The following FAM149A variants were observed in gnomAD, a reference collection of about 807,000 sequenced individuals.
The protein encoded by FAM149A is family with sequence similarity 149 member A.
In FAM149A, 71 loss-of-function variants were observed where a neutral mutation model predicts 78.2. The ratio of observed to expected loss-of-function variants is 0.91; its 90% CI spans 0.75 to 1.11. The LOEUF (loss-of-function observed/expected upper bound fraction) is 1.11. Ranked by LOEUF, FAM149A falls within the 50% of genes least tolerant of loss-of-function variation. The pLI, the probability that FAM149A is intolerant of heterozygous loss-of-function variation, is 0.00. For synonymous variants in FAM149A, 446 were observed against 410.5 expected (o/e 1.09, Z -1.04); for missense variants, 1,036 against 971.0 (o/e 1.07, Z -0.89).
At chr4:186,118,278 T>G in intron 1 of FAM149A, 2 of 970,956 alleles carry the variant, frequency 2.1e-6, no homozygotes, top group Non-Finnish European at 2.4e-6. Context: ...CTCCTTTCTC[T>G]GCTGGAACAG....
Position 186,166,338 on chromosome 4 carries a change from A to G in FAM149A, c.2011-630A>G, listed in dbSNP as rs1474295321. On this transcript the variant is annotated intron_variant, in intron 11 of 13. Coordinates refer to ENST00000389354, the MANE Select transcript of FAM149A (RefSeq NM_001367768.3). ...CAAGAGTTGCAAAGTGTTCATGTTT[A>G]ACCTTAGAATAACATCATTTTACAA... Among the ~76,000 whole-genome samples, 30 of 152,204 alleles carry G rather than the reference A, an allele frequency of 2.0e-4. 1 individual carries two copies. The highest frequency in any genetic ancestry group is 2.0e-3 in the Admixed American group (30 of 15,282).
chr4:186,111,415 C>G (rs1179037737), intron 1 of FAM149A, among the ~76,000 whole-genome samples: 2 of 151,912 alleles, frequency 1.3e-5, no homozygotes, highest in Non-Finnish European at 2.9e-5. Flanking sequence ...TCCCTTTTGT[C>G]AATTTTGTCT....
chr4:186,139,960 G>T (rs1010046073), intron 1 of FAM149A, among the ~76,000 whole-genome samples: 1 of 151,934 alleles, frequency 6.6e-6, no homozygotes, highest in Admixed American at 6.6e-5. Flanking sequence ...AAAATGAACT[G>T]GTTTAATACT....
At chr4:186,152,360 C>T (rs1004314612) in intron 4 of FAM149A, among the ~76,000 whole-genome samples, 1 of 152,128 alleles carries the variant, frequency 6.6e-6, no homozygotes, top group Non-Finnish European at 1.5e-5. Flanking sequence ...GTGAGCAGCA[C>T]ATGTCTGTCT....
intron 1 of FAM149A, among the ~76,000 whole-genome samples, chr4:186,128,485 C>A (rs1706150): frequency 0.35 from 52,990 of 150,496 alleles, 9,527 homozygotes; most frequent in Non-Finnish European, 0.39. Flanking sequence ...AAAAAAAAAA[C>A]CAAAAAGAGC....
At chr4:186,152,161 A>T (rs1733633456) in intron 4 of FAM149A, 116 bp downstream of exon 4, 2 of 945,220 alleles carry the variant, frequency 2.1e-6, no homozygotes, top group South Asian at 3.0e-5. Flanking sequence ...CAGAATATGG[A>T]TGCAGAGCGC....
chr4:186,142,265 T>C (rs1478762449), intron 1 of FAM149A, among the ~76,000 whole-genome samples: 1 of 152,072 alleles, frequency 6.6e-6, no homozygotes, highest in African/African-American at 2.4e-5. Flanking sequence ...TGTCTCACCA[T>C]TGTCGGTTGG....
At chr4:186,126,235 A>G (rs1397350690) in intron 1 of FAM149A, among the ~76,000 whole-genome samples, 1 of 152,086 alleles carries the variant, frequency 6.6e-6, no homozygotes, top group Non-Finnish European at 1.5e-5. Flanking sequence ...TGCCCTTTCC[A>G]ACTCACATCT....
intron 1 of FAM149A, chr4:186,118,120 A>G: frequency 1.0e-6 from 1 of 985,458 alleles, no homozygotes; most frequent in African/African-American, 1.7e-5. Context: ...GACTGGAAGT[A>G]TAAACAGGCA....
At chr4:186,140,500 G>A (rs2099325377) in intron 1 of FAM149A, among the ~76,000 whole-genome samples, 1 of 119,398 alleles carries the variant, frequency 8.4e-6, no homozygotes, top group African/African-American at 3.3e-5. Flanking sequence ...GCCCAGGCTT[G>A]TTCTGAACTC....
intron 7 of FAM149A, among the ~76,000 whole-genome samples, chr4:186,157,158 T>TACTTCA (rs11282489): frequency 0.57 from 86,896 of 151,662 alleles, 26,761 homozygotes; most frequent in Non-Finnish European, 0.71. Flanking sequence ...TTAATCCTCT[T>TACTTCA]ACATACAAAA....
At chr4:186,151,459 T>A (rs1733581240) in intron 3 of FAM149A, among the ~76,000 whole-genome samples, 1 of 152,206 alleles carries the variant, frequency 6.6e-6, no homozygotes, top group African/African-American at 2.4e-5. Flanking sequence ...AAAGTAATTT[T>A]CTTTTCTGTG....
intron 11 of FAM149A, among the ~76,000 whole-genome samples, chr4:186,165,986 A>C (rs957333941): frequency 6.6e-6 from 1 of 152,226 alleles, no homozygotes; most frequent in East Asian, 1.9e-4. Context: ...GGTCATTTCT[A>C]TCGGTCATTT....
chr4:186,119,914 A>C (rs2099315248), intron 1 of FAM149A, among the ~76,000 whole-genome samples: 1 of 152,204 alleles, frequency 6.6e-6, no homozygotes, highest in African/African-American at 2.4e-5. Flanking sequence ...CCTTCCCTCA[A>C]ATAGAAGTTT....
chr4:186,108,607 T>C (rs575702905), intron 1 of FAM149A, among the ~76,000 whole-genome samples: 4 of 152,206 alleles, frequency 2.6e-5, no homozygotes, highest in Non-Finnish European at 5.9e-5. Context: ...CCACAGGGCG[T>C]ACTGACTGCA....
At chr4:186,142,629 G>A (rs538507134) in intron 1 of FAM149A, among the ~76,000 whole-genome samples, 5 of 152,272 alleles carry the variant, frequency 3.3e-5, no homozygotes, top group South Asian at 2.1e-4. Context: ...AAGCTGCCAC[G>A]TAGAAATTCC....
At position 186,144,558 on chromosome 4, in the gene FAM149A, C is replaced by G. The variant is rs1299168451; in HGVS notation, c.567-4615C>G. The G allele has an allele frequency of 6.6e-6, 1 of 152,624 alleles. No homozygotes were observed. The highest frequency in any genetic ancestry group is 1.5e-5 in the Non-Finnish European group (1 of 68,478). 9.5% of individuals were successfully genotyped at this position (152,624 alleles called of 1,614,324 possible). A position where few individuals can be genotyped will look rare whatever the true frequency, so the allele number is the denominator to read the frequency against. ...CTGCCTTCTTCTGGTGAATTAAAAT[C>G]CGATTTGGAAGAGAGAAGGGCAGCC... On this transcript the variant is annotated intron_variant, in intron 1 of 13. Transcript: ENST00000389354. The surrounding 1 kb of genome is among the most constrained non-coding windows in gnomAD (Gnocchi z 4.2).
In FAM149A at chr4:186,105,179, GCCGCT is replaced by G; in HGVS notation, c.104_108del (p.Ala35GlyfsTer64). 9 of 1,275,872 alleles carry G rather than the reference GCCGCT, an allele frequency of 7.1e-6. No individual in the cohort carries two copies. Among genetic ancestry groups the G allele is most frequent in the Non-Finnish European group, 9.2e-6 (9 of 983,058 alleles). The allele number at this position is 1,275,872 out of a possible 1,614,324, so 79.0% of individuals were successfully genotyped here. ...CTCCTCCAGACCCTCGGGAGGTGCT[GCCGCT>G]GCAGGGTCGGGGGGCTCCAGGGCGG... On this transcript the variant is annotated frameshift_variant, in exon 1 of 14. Coordinates refer to ENST00000389354, the MANE Select transcript of FAM149A (RefSeq NM_001367768.3). LOFTEE classifies it high-confidence loss of function.
intron 1 of FAM149A, among the ~76,000 whole-genome samples, chr4:186,129,532 A>AC (rs1403227067): frequency 6.6e-6 from 1 of 152,200 alleles, no homozygotes; most frequent in African/African-American, 2.4e-5. Context: ...TTTCAGACCA[A>AC]CCACCAGCTG....
Sources: allele counts gnomAD v4.1 joint callset (sites outside exome capture counted in the v4.1 genomes callset), GRCh38; gene constraint gnomAD v4.1.1; non-coding constraint Gnocchi (gnomAD v3.1); transcripts MANE v1.5; gene names NCBI Gene and HGNC (gene_info 2026-07-23, HGNC 2026-07-21).